PLCB1: variants seen among roughly 807,000 people sequenced by gnomAD.
PLCB1 encodes the protein 1-phosphatidylinositol 4,5-bisphosphate phosphodiesterase beta-1.
Under a neutral mutation model 161.8 loss-of-function variants are expected in PLCB1, and 46 were observed. The ratio of observed to expected loss-of-function variants is 0.28; its 90% CI spans 0.22 to 0.36. PLCB1 has a LOEUF of 0.36. PLCB1 is among the 10% of genes least tolerant of loss of function. The probability of loss-of-function intolerance (pLI) is 1.00; values close to 1 mark genes in which losing one functional copy is unlikely to be tolerated. For synonymous variants in PLCB1, 517 were observed against 503.7 expected (o/e 1.03, Z -0.35); for missense variants, 1,016 against 1,472.5 (o/e 0.69, Z 5.07).
Position 8,165,737 on chromosome 20 carries a change from A to G in PLCB1, c.177+15366A>G, listed in dbSNP as rs114005126. 7.8e-3 allele frequency among the ~76,000 whole-genome samples: 1,189 copies of G among 152,332 alleles called. 21 individuals are homozygous for G. The highest frequency in any genetic ancestry group is 0.027 in the African/African-American group (1,104 of 41,574). ...AGGTTACTAAATGGTGGAAAGCCAG[A>G]TCTGTCAGGTCCAAAGCCAATGACC... is the stretch of plus-strand genomic sequence containing the variant. On this transcript the variant is annotated intron_variant, in intron 2 of 31. Coordinates refer to ENST00000338037, the MANE Select transcript of PLCB1 (RefSeq NM_015192.4).
At chr20:8,827,152 A>G (rs148248342) in intron 31 of PLCB1, among the ~76,000 whole-genome samples, 1 of 152,338 alleles carries the variant, frequency 6.6e-6, no homozygotes, top group African/African-American at 2.4e-5. Context: ...ATTTTTTGTA[A>G]TAGACATTGA....
At chr20:8,862,482 A>G (rs1266879679) in intron 31 of PLCB1, among the ~76,000 whole-genome samples, 1 of 152,180 alleles carries the variant, frequency 6.6e-6, no homozygotes. Flanking sequence ...GATCACATAT[A>G]ATGTAACAGG....
rs138359630 is a variant in PLCB1, at chr20:8,645,835, CAG to C, written c.385-264_385-263del. On this transcript the variant is annotated intron_variant, in intron 4 of 31. Coordinates refer to ENST00000338037, the MANE Select transcript of PLCB1 (RefSeq NM_015192.4). ...AATGTGCTTAGTTATTGAAGGGAAA[CAG>C]AGCAATTTTCTATTTATACAAATTT... 7.8e-3 allele frequency among the ~76,000 whole-genome samples: 1,192 copies of C among 152,196 alleles called. 9 individuals are homozygous for C. The highest frequency in any genetic ancestry group is 0.023 in the African/African-American group (974 of 41,510).
chr20:8,366,054 C>T (rs534175124), intron 2 of PLCB1, among the ~76,000 whole-genome samples: 1 of 152,138 alleles, frequency 6.6e-6, no homozygotes, highest in Non-Finnish European at 1.5e-5. Context: ...ACAACCAAGA[C>T]AATTCAGTCT....
chr20:8,425,972 G>A (rs530106428), intron 3 of PLCB1, among the ~76,000 whole-genome samples: 48 of 152,266 alleles, frequency 3.2e-4, no homozygotes, highest in Middle Eastern at 3.4e-3. Flanking sequence ...GCAGGCAATG[G>A]GGAAACCTGC....
At chr20:8,584,971 G>A (rs1399066015) in intron 3 of PLCB1, among the ~76,000 whole-genome samples, 1 of 152,180 alleles carries the variant, frequency 6.6e-6, no homozygotes, top group Non-Finnish European at 1.5e-5. Context: ...TCACAGGGGT[G>A]AGCCACCACG....
At chr20:8,146,105 GTT>G (rs58227641) in intron 1 of PLCB1, among the ~76,000 whole-genome samples, 43,562 of 141,694 alleles carry the variant, frequency 0.31, 6,468 homozygotes, top group Middle Eastern at 0.44. Flanking sequence ...TGTTTTTTTT[GTT>G]TTTTTTTTTT....
intron 2 of PLCB1, among the ~76,000 whole-genome samples, chr20:8,295,865 A>G (rs1258020274): frequency 6.6e-6 from 1 of 151,976 alleles, no homozygotes; most frequent in Non-Finnish European, 1.5e-5. Flanking sequence ...GCACACCACC[A>G]CGCCTGGCTG....
chr20:8,531,312 T>C (rs1036468862), intron 3 of PLCB1, among the ~76,000 whole-genome samples: 3 of 152,106 alleles, frequency 2.0e-5, no homozygotes, highest in Admixed American at 6.6e-5. Context: ...TACACAGGTC[T>C]CTAGAGAAAA....
chr20:8,637,643 A>C (rs1457741564), intron 4 of PLCB1, among the ~76,000 whole-genome samples: 1 of 152,248 alleles, frequency 6.6e-6, no homozygotes, highest in Non-Finnish European at 1.5e-5. Flanking sequence ...AACTGAAAAA[A>C]GAACTTAAAA....
At chr20:8,201,456 A>C (rs927823321) in intron 2 of PLCB1, among the ~76,000 whole-genome samples, 6 of 152,112 alleles carry the variant, frequency 3.9e-5, no homozygotes, top group African/African-American at 1.4e-4. Flanking sequence ...AAAACTTCAA[A>C]TGGATTCTTC....
intron 2 of PLCB1, among the ~76,000 whole-genome samples, chr20:8,263,710 TATTC>T (rs1981820157): frequency 6.6e-6 from 1 of 152,194 alleles, no homozygotes; most frequent in South Asian, 2.1e-4. Context: ...TAATGGTAAG[TATTC>T]ATGTATCTAA....
intron 2 of PLCB1, among the ~76,000 whole-genome samples, chr20:8,217,375 GA>G (rs1480693444): frequency 6.6e-6 from 1 of 152,086 alleles, no homozygotes; most frequent in East Asian, 1.9e-4. Flanking sequence ...AACTCAAGAA[GA>G]AACCAAGGGA....
intron 12 of PLCB1, among the ~76,000 whole-genome samples, chr20:8,709,750 C>T (rs113001302): frequency 3.9e-5 from 6 of 152,254 alleles, no homozygotes; most frequent in African/African-American, 1.2e-4. Flanking sequence ...GTTTGCCCGC[C>T]AGAAATCCAT....
chr20:8,207,331 G>A (rs2123137555), intron 2 of PLCB1, among the ~76,000 whole-genome samples: 1 of 152,234 alleles, frequency 6.6e-6, no homozygotes, highest in South Asian at 2.1e-4. Context: ...ATATTATACG[G>A]AACAATGCAG....
chr20:8,259,454 A>G (rs912763414), intron 2 of PLCB1, among the ~76,000 whole-genome samples: 2 of 151,980 alleles, frequency 1.3e-5, no homozygotes, highest in Non-Finnish European at 2.9e-5. Flanking sequence ...TATCTCTACT[A>G]AAAATATAAG....
At chr20:8,748,000 C>T (rs916998499) in intron 23 of PLCB1, among the ~76,000 whole-genome samples, 3 of 152,084 alleles carry the variant, frequency 2.0e-5, no homozygotes, top group African/African-American at 7.2e-5. Context: ...AAGAACTTGA[C>T]ACTAAAATCA....
At chr20:8,314,566 C>G in intron 2 of PLCB1, among the ~76,000 whole-genome samples, 1 of 152,184 alleles carries the variant, frequency 6.6e-6, no homozygotes, top group Non-Finnish European at 1.5e-5. Flanking sequence ...CTCAGTTTCC[C>G]TATGTGCTAA....
At chr20:8,236,179 G>A (rs1471230773) in intron 2 of PLCB1, among the ~76,000 whole-genome samples, 2 of 152,076 alleles carry the variant, frequency 1.3e-5, no homozygotes, top group African/African-American at 2.4e-5. Flanking sequence ...GCACTCTATT[G>A]ATATGGAAAT....
Sources: allele counts gnomAD v4.1 joint callset (sites outside exome capture counted in the v4.1 genomes callset), GRCh38; gene constraint gnomAD v4.1.1; transcripts MANE v1.5; gene names NCBI Gene and HGNC (gene_info 2026-07-23, HGNC 2026-07-21).